The following USH2A variants were observed in gnomAD, a reference collection of about 807,000 sequenced individuals.
The protein encoded by USH2A is Usher syndrome 2A (autosomal recessive, mild).
In USH2A, 443 loss-of-function variants were observed where a neutral mutation model predicts 538.9. That is an observed-to-expected ratio of 0.82 (90% CI 0.76 to 0.89). The LOEUF (loss-of-function observed/expected upper bound fraction) is 0.89. USH2A is among the 40% of genes least tolerant of loss of function. The probability of loss-of-function intolerance (pLI) is 0.00; values close to 1 mark genes in which losing one functional copy is unlikely to be tolerated. For missense variants in USH2A, 6,633 were observed against 6,324.8 expected (o/e 1.05, Z -1.65); for synonymous variants, 2,413 against 2,273.5 (o/e 1.06, Z -1.75).
chr1:216,251,440 C>CT, intron 11 of USH2A, among the ~76,000 whole-genome samples: 1 of 123,446 alleles, frequency 8.1e-6, no homozygotes, highest in African/African-American at 2.7e-5. Flanking sequence ...ACACCACTTC[C>CT]CCTTTTTTTT....
intron 21 of USH2A, chr1:216,174,856 T>C: frequency 6.7e-6 from 7 of 1,039,460 alleles, no homozygotes; most frequent in Non-Finnish European, 8.1e-6. Context: ...CAATGCTTTT[T>C]GGAGTTTCAG....
intron 4 of USH2A, among the ~76,000 whole-genome samples, chr1:216,340,592 C>T (rs7534889): frequency 0.064 from 9,587 of 150,008 alleles, 351 homozygotes; most frequent in Middle Eastern, 0.11. Flanking sequence ...AACACTAATA[C>T]GAAAATCCTC....
At chr1:216,343,415 C>T (rs1451909363) in intron 4 of USH2A, among the ~76,000 whole-genome samples, 1 of 150,388 alleles carries the variant, frequency 6.6e-6, no homozygotes, top group Non-Finnish European at 1.5e-5. Context: ...TGGTGTGCAC[C>T]TGTACTCCCA....
Position 216,323,276 on chromosome 1 carries a change from T to TTA in USH2A, c.1550+196_1550+197dup, listed in dbSNP as rs67957139. On this transcript the variant is annotated intron_variant, in intron 8 of 71. Coordinates refer to ENST00000307340, the MANE Select transcript of USH2A (RefSeq NM_206933.4). ...TATATATTTATTTATAAAATACGTT[T>TTA]TATATATATATATATATATATATAT... Among the ~76,000 whole-genome samples, 3,900 of 137,012 alleles carry TTA rather than the reference T, an allele frequency of 0.028. 115 individuals carry two copies. Among genetic ancestry groups the TTA allele is most frequent in the Admixed American group, 0.099 (1,332 of 13,508 alleles). 89.9% of individuals were successfully genotyped at this position (137,012 alleles called of 152,430 possible).
chr1:216,284,637 G>T (rs1361940514), intron 11 of USH2A, among the ~76,000 whole-genome samples: 1 of 152,186 alleles, frequency 6.6e-6, no homozygotes, highest in African/African-American at 2.4e-5. Context: ...AGCAACTTTG[G>T]GACTGGGTAA....
chr1:216,318,134 G>A (rs1414478307), intron 9 of USH2A, among the ~76,000 whole-genome samples: 1 of 152,096 alleles, frequency 6.6e-6, no homozygotes, highest in Non-Finnish European at 1.5e-5. Flanking sequence ...CAATTGCCAA[G>A]AATTGGCATA....
chr1:215,887,864 T>C (rs548174289), intron 41 of USH2A, among the ~76,000 whole-genome samples: 1 of 152,332 alleles, frequency 6.6e-6, no homozygotes, highest in Non-Finnish European at 1.5e-5. Context: ...AACTCCCTCC[T>C]GTTTGGTTAC....
chr1:215,711,160 CAT>C (rs1659328650), intron 61 of USH2A, among the ~76,000 whole-genome samples: 1 of 152,136 alleles, frequency 6.6e-6, no homozygotes, highest in African/African-American at 2.4e-5. Flanking sequence ...ATATTGAATT[CAT>C]ATATTTCAAC....
chr1:215,630,111 A>G (rs1163505253), intron 70 of USH2A: 3 of 517,084 alleles, frequency 5.8e-6, no homozygotes, highest in African/African-American at 5.8e-5. Flanking sequence ...GAAGTCATCA[A>G]TGATCTGTTC....
intron 50 of USH2A, 75 bp from the exon 51 acceptor site, chr1:215,790,357 T>G: frequency 6.5e-7 from 1 of 1,539,548 alleles, no homozygotes; most frequent in Non-Finnish European, 8.9e-7. Context: ...TAAAGTTTGG[T>G]ATAAAAATGT....
At chr1:216,322,046 A>G (rs1178952911) in intron 8 of USH2A, 70 bp from the exon 9 acceptor site, 2 of 1,417,506 alleles carry the variant, frequency 1.4e-6, no homozygotes, top group Non-Finnish European at 2.0e-6. Flanking sequence ...AGGTCCTAGG[A>G]CTATATGCAT....
chr1:216,144,260 AAG>A (rs1258101177), intron 21 of USH2A, among the ~76,000 whole-genome samples: 1 of 152,192 alleles, frequency 6.6e-6, no homozygotes. Context: ...AGAACAAAGA[AAG>A]AGCAAGGAAA....
In USH2A at chr1:215,674,872, T is replaced by C. The variant is rs768442697; in HGVS notation, c.13039A>G (p.Thr4347Ala). The change falls in exon 63 of 72, where the codon ACC becomes GCC. Residue 4347 changes from threonine to alanine, a missense_variant. Transcript: ENST00000307340. Reference sequence around the variant, plus strand: ...GCAGCCTCCAGAGTTGTGATGCTGGTGGGTTTGCTGGTGGAGCATCCTCCA... The same window carrying C: ...GCAGCCTCCAGAGTTGTGATGCTGGCGGGTTTGCTGGTGGAGCATCCTCCA... ...TSGGCSTSKP[T>A]SITTLEAAPS... 2 of 1,614,018 alleles carry C rather than the reference T, an allele frequency of 1.2e-6. No homozygotes were observed. Among genetic ancestry groups the C allele is most frequent in the African/African-American group, 1.3e-5 (1 of 74,916 alleles).
chr1:215,802,108 A>G (rs1411126640), intron 49 of USH2A, among the ~76,000 whole-genome samples: 2 of 151,988 alleles, frequency 1.3e-5, no homozygotes, highest in Non-Finnish European at 2.9e-5. Context: ...TATACCATAT[A>G]CCAAAACTAA....
intron 21 of USH2A, among the ~76,000 whole-genome samples, chr1:216,114,336 C>T (rs989597239): frequency 6.6e-6 from 1 of 151,760 alleles, no homozygotes; most frequent in African/African-American, 2.4e-5. Context: ...AGCCATAATT[C>T]TTTTTTCTGT....
chr1:216,092,079 A>G (rs1054240936), intron 22 of USH2A, among the ~76,000 whole-genome samples: 3 of 152,224 alleles, frequency 2.0e-5, no homozygotes, highest in African/African-American at 7.2e-5. Context: ...TATCTGTGTA[A>G]TCATTACAAA....
chr1:215,713,861 T>C (rs1019632169), intron 61 of USH2A, among the ~76,000 whole-genome samples: 6 of 152,194 alleles, frequency 3.9e-5, no homozygotes, highest in South Asian at 2.1e-4. Flanking sequence ...CAAGAAGCAA[T>C]ACTGGATAAC....
At chr1:215,857,474 A>C (rs1664200109) in intron 44 of USH2A, among the ~76,000 whole-genome samples, 1 of 152,202 alleles carries the variant, frequency 6.6e-6, no homozygotes. Flanking sequence ...AGAAGCCAGA[A>C]AAGATTCTTC....
chr1:215,843,383 G>A (rs1165197937), intron 46 of USH2A, among the ~76,000 whole-genome samples: 3 of 152,080 alleles, frequency 2.0e-5, no homozygotes, highest in African/African-American at 7.2e-5. Context: ...ATTTAGCCTT[G>A]TTATCTTTTA....
Sources: allele counts gnomAD v4.1 joint callset (sites outside exome capture counted in the v4.1 genomes callset), GRCh38; gene constraint gnomAD v4.1.1; transcripts MANE v1.5; gene names NCBI Gene and HGNC (gene_info 2026-07-23, HGNC 2026-07-21).